JAK2: variants seen among roughly 807,000 people sequenced by gnomAD.
The protein encoded by JAK2 is tyrosine-protein kinase JAK2.
In JAK2, 86 loss-of-function variants were observed where a neutral mutation model predicts 139.3. The ratio of observed to expected loss-of-function variants is 0.62; its 90% CI spans 0.52 to 0.74. The LOEUF (loss-of-function observed/expected upper bound fraction) is 0.74, where lower values mean the gene tolerates loss of function less well. JAK2 is among the 30% of genes least tolerant of loss of function. The pLI is 0.00. For missense variants in JAK2, 1,421 were observed against 1,360.3 expected (o/e 1.04, Z -0.70); for synonymous variants, 490 against 437.7 (o/e 1.12, Z -1.49).
At chr9:5,004,548 T>A (rs1322844347) in intron 2 of JAK2, among the ~76,000 whole-genome samples, 1 of 152,202 alleles carries the variant, frequency 6.6e-6, no homozygotes, top group Non-Finnish European at 1.5e-5. Context: ...TGATGGACAC[T>A]TAGGTTGATT....
chr9:5,117,198 T>C (rs113703310), intron 22 of JAK2, among the ~76,000 whole-genome samples: 2 of 152,350 alleles, frequency 1.3e-5, no homozygotes, highest in South Asian at 2.1e-4. Context: ...TCCAGAAGTA[T>C]GAGAAATAAA....
chr9:5,122,269 G>A (rs1156351500), intron 22 of JAK2, among the ~76,000 whole-genome samples: 2 of 152,048 alleles, frequency 1.3e-5, no homozygotes, highest in Non-Finnish European at 2.9e-5. Flanking sequence ...CAGTCCACTA[G>A]GCCAAAACGT....
rs1054562825 is a variant in JAK2 at position 5,041,007 on chromosome 9, C to T, written c.351-3396C>T. The T allele has an allele frequency of 4.6e-6, 3 of 655,380 alleles. 1 individual carries two copies. Among genetic ancestry groups the T allele is most frequent in the South Asian group, 3.0e-5 (2 of 66,920 alleles). 40.6% of individuals were successfully genotyped at this position (655,380 alleles called of 1,614,324 possible). A position where few individuals can be genotyped will look rare whatever the true frequency, so the allele number is the denominator to read the frequency against. ...AATTGGAGCTGATCAAGTTCCGGAC[C>T]CCGCAGCTGCACCTGGGTACCGGTT... On this transcript the variant is annotated intron_variant, in intron 4 of 24. Transcript: ENST00000381652.
At position 5,122,985 on chromosome 9, in the gene JAK2, G is replaced by C; in HGVS notation, c.3060-19G>C. ...CATATCAAGTAACTGTCTTTTAAATGTTATTCATATATTTACAGGTATGCT... is the reference window on the plus strand; with the variant it reads ...CATATCAAGTAACTGTCTTTTAAATCTTATTCATATATTTACAGGTATGCT... On this transcript the variant is annotated intron_variant, in intron 22 of 24. Coordinates refer to ENST00000381652, the MANE Select transcript of JAK2 (RefSeq NM_004972.4). 1 of 1,498,148 alleles carries C rather than the reference G, an allele frequency of 6.7e-7. No individual in the cohort carries two copies. Among genetic ancestry groups the C allele is most frequent in the South Asian group, 1.2e-5 (1 of 84,050 alleles). 92.8% of individuals were successfully genotyped at this position (1,498,148 alleles called of 1,614,324 possible). A position where few individuals can be genotyped will look rare whatever the true frequency, so the allele number is the denominator to read the frequency against.
chr9:5,088,567 C>T (rs974287256), intron 19 of JAK2, among the ~76,000 whole-genome samples: 2 of 152,016 alleles, frequency 1.3e-5, no homozygotes, highest in Non-Finnish European at 2.9e-5. Flanking sequence ...AGAGTCATCC[C>T]ATAGGCTAAA....
At chr9:5,114,030 C>A (rs1016656059) in intron 22 of JAK2, 2 of 317,514 alleles carry the variant, frequency 6.3e-6, no homozygotes, top group Non-Finnish European at 6.3e-6. Flanking sequence ...CATCGCCTCT[C>A]CCATACTGGA....
At chr9:4,997,682 G>T (rs1820660865) in intron 2 of JAK2, among the ~76,000 whole-genome samples, 1 of 152,104 alleles carries the variant, frequency 6.6e-6, no homozygotes. Context: ...CATTTTATAG[G>T]CAACAATTGA....
intron 16 of JAK2, among the ~76,000 whole-genome samples, 189 bp from the exon 17 acceptor site, chr9:5,080,040 T>G (rs1195154516): frequency 6.6e-6 from 1 of 152,200 alleles, no homozygotes; most frequent in Non-Finnish European, 1.5e-5. Flanking sequence ...AATATTGAAT[T>G]AGATGATCTT....
chr9:5,091,045 C>CTT, intron 22 of JAK2, 134 bp downstream of exon 22: 54 of 528,332 alleles, frequency 1.0e-4, no homozygotes, highest in Middle Eastern at 5.8e-4. Flanking sequence ...TTACATTTAA[C>CTT]TTTTTTTTTT....
intron 14 of JAK2, among the ~76,000 whole-genome samples, chr9:5,076,782 A>T (rs1425807124): frequency 6.6e-6 from 1 of 152,062 alleles, no homozygotes; most frequent in Non-Finnish European, 1.5e-5. Flanking sequence ...CTTGTATGAC[A>T]TTTTTTCATA....
chr9:5,051,729 T>G (rs1313171206), intron 6 of JAK2, among the ~76,000 whole-genome samples: 1 of 152,196 alleles, frequency 6.6e-6, no homozygotes, highest in Non-Finnish European at 1.5e-5. Context: ...ATCATGAGTG[T>G]GGTTAAAGCT....
intron 9 of JAK2, among the ~76,000 whole-genome samples, chr9:5,065,413 T>G (rs986170661): frequency 6.6e-6 from 1 of 152,172 alleles, no homozygotes; most frequent in South Asian, 2.1e-4. Context: ...GTCCATCTCC[T>G]TCTACTGAAA....
chr9:5,092,927 T>G (rs977730023), intron 22 of JAK2, among the ~76,000 whole-genome samples: 2 of 152,176 alleles, frequency 1.3e-5, no homozygotes, highest in African/African-American at 4.8e-5. Flanking sequence ...GAACCAACCT[T>G]CCTACAGAGA....
At chr9:5,119,560 T>C (rs1165492832) in intron 22 of JAK2, among the ~76,000 whole-genome samples, 2 of 152,172 alleles carry the variant, frequency 1.3e-5, no homozygotes, top group Non-Finnish European at 2.9e-5. Flanking sequence ...TTTCATATTA[T>C]GAAAATAAGA....
chr9:5,126,715 A>G lies in JAK2; in HGVS notation c.3323A>G (p.Asn1108Ser), dbSNP rs142269166. 3.3e-3 allele frequency: 5,282 copies of G among 1,610,826 alleles called. 8 individuals carry two copies. The highest frequency in any genetic ancestry group is 4.0e-3 in the Non-Finnish European group (4,763 of 1,177,544). Residue 1108 changes from asparagine (N) to serine (S), a missense_variant, in exon 25 of 25, where the codon AAT becomes AGT. By Grantham distance (46) the Asn-to-Ser change is conservative. Coordinates refer to ENST00000381652, the MANE Select transcript of JAK2 (RefSeq NM_004972.4). ...ATGATCATGACAGAATGCTGGAACA[A>G]TAATGTAAATCAACGCCCCTCCTTT... ...IYMIMTECWNNNVNQRPSFRD... is the reference protein window; with the variant it reads ...IYMIMTECWNSNVNQRPSFRD...
chr9:5,035,716 T>C (rs138648754), intron 4 of JAK2, among the ~76,000 whole-genome samples: 647 of 152,280 alleles, frequency 4.2e-3, no homozygotes, highest in Middle Eastern at 0.02. Context: ...AATTAGGTAT[T>C]GATGGGACGT....
chr9:5,064,873 C>A lies in JAK2; in HGVS notation c.1057-10C>A, dbSNP rs556861820. ...AAAAGGTGCTATTTCTTTTTCTTTT[C>A]TCTGCTTAGGAAATTGAACTTAGCT... On this transcript the variant is annotated splice_polypyrimidine_tract_variant and intron_variant, in intron 8 of 24. Coordinates refer to ENST00000381652, the MANE Select transcript of JAK2 (RefSeq NM_004972.4). 1.3e-6 allele frequency: 2 copies of A among 1,518,988 alleles called. No individual in the cohort carries two copies. Among genetic ancestry groups the A allele is most frequent in the South Asian group, 1.3e-5 (1 of 76,600 alleles). The allele number at this position is 1,518,988 out of a possible 1,614,324, so 94.1% of individuals were successfully genotyped here.
At chr9:5,057,512 C>G (rs1817847030) in intron 8 of JAK2, among the ~76,000 whole-genome samples, 1 of 151,266 alleles carries the variant, frequency 6.6e-6, no homozygotes, top group African/African-American at 2.4e-5. Context: ...AAATTGAAGT[C>G]TACACCCATT....
At chr9:5,090,423 T>C (rs201998465) in intron 20 of JAK2, 23 bp from the exon 21 acceptor site, 24 of 1,493,650 alleles carry the variant, frequency 1.6e-5, no homozygotes, top group Non-Finnish European at 9.0e-6. Context: ...AGTAAAACAT[T>C]ATTTCCACCT....
Sources: allele counts gnomAD v4.1 joint callset (sites outside exome capture counted in the v4.1 genomes callset), GRCh38; gene constraint gnomAD v4.1.1; transcripts MANE v1.5; gene names NCBI Gene and HGNC (gene_info 2026-07-23, HGNC 2026-07-21).